Variants in SUSD5 observed in about 807,000 individuals in gnomAD.
The protein encoded by SUSD5 is sushi domain containing 5, also known as sushi domain-containing protein 5.
In SUSD5, 33 loss-of-function variants were observed where a neutral mutation model predicts 29.5. That is an observed-to-expected ratio of 1.12 (90% confidence interval 0.85 to 1.49). The LOEUF (loss-of-function observed/expected upper bound fraction) is 1.49. Among genes scored for constraint, SUSD5 ranks in the 40% most tolerant of loss-of-function variants. SUSD5 has a pLI of 0.00. For synonymous variants in SUSD5, 308 were observed against 325.3 expected (o/e 0.95, Z 0.57); for missense variants, 776 against 800.6 (o/e 0.97, Z 0.37).
intron 1 of SUSD5, among the ~76,000 whole-genome samples, chr3:33,215,766 G>A (rs899846503): frequency 5.9e-5 from 9 of 152,156 alleles, no homozygotes; most frequent in Non-Finnish European, 8.8e-5. Context: ...TAAATAAACT[G>A]TGTTCAAAGA....
At chr3:33,191,789 A>C (rs1418180372) in intron 3 of SUSD5, among the ~76,000 whole-genome samples, 1 of 152,086 alleles carries the variant, frequency 6.6e-6, no homozygotes, top group Non-Finnish European at 1.5e-5. Flanking sequence ...CAATTAAAAA[A>C]TAAGAAATAG....
At chr3:33,214,141 A>G in intron 1 of SUSD5, 36 bp from the exon 2 acceptor site, 1 of 1,550,236 alleles carries the variant, frequency 6.5e-7, no homozygotes, top group Non-Finnish European at 8.7e-7. Context: ...TGTGGATTTC[A>G]GGATCCATGG....
intron 4 of SUSD5, among the ~76,000 whole-genome samples, chr3:33,172,710 T>A (rs2031463104): frequency 6.6e-6 from 1 of 152,258 alleles, no homozygotes; most frequent in Admixed American, 6.5e-5. Context: ...TTATTAGGTA[T>A]GCAACAAGGC....
At chr3:33,194,678 G>A (rs1325249068) in intron 3 of SUSD5, among the ~76,000 whole-genome samples, 44 of 152,212 alleles carry the variant, frequency 2.9e-4, no homozygotes, top group Admixed American at 6.5e-5. Context: ...CCACTTAACT[G>A]ATAAGGCAGA....
At chr3:33,181,173 A>G (rs544017146) in intron 3 of SUSD5, among the ~76,000 whole-genome samples, 1 of 152,162 alleles carries the variant, frequency 6.6e-6, no homozygotes, top group South Asian at 2.1e-4. Context: ...CTGATGAAAA[A>G]ATATTTTCAT....
chr3:33,183,930 C>CTTTTTTTTTTTTTTTTTTTTTTTTTTTT lies in SUSD5; in HGVS notation c.410-8857_410-8856insAAAAAAAAAAAAAAAAAAAAAAAAAAAA, dbSNP rs68055129. Among the ~76,000 whole-genome samples the CTTTTTTTTTTTTTTTTTTTTTTTTTTTT allele has an allele frequency of 1.5e-3, 92 of 62,592 alleles. 5 individuals are homozygous for CTTTTTTTTTTTTTTTTTTTTTTTTTTTT. Among genetic ancestry groups the CTTTTTTTTTTTTTTTTTTTTTTTTTTTT allele is most frequent in the South Asian group, 2.5e-3 (3 of 1,182 alleles). 41.1% of individuals were successfully genotyped at this position (62,592 alleles called of 152,430 possible). ...AACACTTTAAATATTTTATTACCCT[C>CTTTTTTTTTTTTTTTTTTTTTTTTTTTT]TTTTTTTTTTTTTTTTTTTTTTTTT... is the stretch of plus-strand genomic sequence containing the variant. On this transcript the variant is annotated intron_variant, in intron 3 of 4. Transcript: ENST00000309558.
intron 3 of SUSD5, among the ~76,000 whole-genome samples, chr3:33,177,205 C>A (rs902220335): frequency 2.6e-5 from 4 of 152,178 alleles, no homozygotes; most frequent in Admixed American, 2.6e-4. Flanking sequence ...ATAACTCCCA[C>A]AAGCTTAGCA....
chr3:33,177,963 C>A (rs1050542315), intron 3 of SUSD5, among the ~76,000 whole-genome samples: 4 of 149,804 alleles, frequency 2.7e-5, no homozygotes, highest in African/African-American at 7.3e-5. Flanking sequence ...TCTATATTTT[C>A]TTTTCTTATT....
chr3:33,206,927 A>G (rs984600490), intron 3 of SUSD5, among the ~76,000 whole-genome samples: 2 of 151,818 alleles, frequency 1.3e-5, no homozygotes, highest in Non-Finnish European at 2.9e-5. Flanking sequence ...CCCCTCCCCA[A>G]TGAGTCCAGT....
At chr3:33,207,282 G>T (rs1357363668) in intron 3 of SUSD5, among the ~76,000 whole-genome samples, 1 of 152,204 alleles carries the variant, frequency 6.6e-6, no homozygotes, top group African/African-American at 2.4e-5. Context: ...TGTATCAGAT[G>T]CTGCCAGGGC....
intron 4 of SUSD5, among the ~76,000 whole-genome samples, chr3:33,165,675 G>T (rs2031288034): frequency 6.6e-6 from 1 of 152,142 alleles, no homozygotes; most frequent in Admixed American, 6.5e-5. Context: ...AATCAGGCTT[G>T]CCTAAAATTT....
intron 3 of SUSD5, among the ~76,000 whole-genome samples, chr3:33,177,725 A>G (rs2031581281): frequency 1.4e-5 from 2 of 147,630 alleles, no homozygotes; most frequent in Non-Finnish European, 2.9e-5. Flanking sequence ...GGTCCACAGG[A>G]AAGTGATTAA....
At chr3:33,212,940 T>C (rs1484557806) in intron 2 of SUSD5, among the ~76,000 whole-genome samples, 1 of 152,164 alleles carries the variant, frequency 6.6e-6, no homozygotes, top group African/African-American at 2.4e-5. Context: ...CACGTTCCTA[T>C]ACATATACAT....
intron 4 of SUSD5, among the ~76,000 whole-genome samples, chr3:33,170,208 C>G (rs928087348): frequency 6.6e-6 from 1 of 152,134 alleles, no homozygotes; most frequent in South Asian, 2.1e-4. Flanking sequence ...CATGAGCCAC[C>G]GCGCCCGGCC....
chr3:33,174,356 T>C (rs2031498831), intron 4 of SUSD5, among the ~76,000 whole-genome samples: 1 of 151,986 alleles, frequency 6.6e-6, no homozygotes, highest in Non-Finnish European at 1.5e-5. Context: ...GGAAGCCCCA[T>C]GCCCCATAAG....
intron 3 of SUSD5, among the ~76,000 whole-genome samples, chr3:33,186,113 C>G (rs867429507): frequency 6.6e-6 from 1 of 152,174 alleles, no homozygotes; most frequent in Non-Finnish European, 1.5e-5. Flanking sequence ...ACCATCCTGG[C>G]TAACACGGTG....
At chr3:33,175,698 T>A (rs1474625367) in intron 3 of SUSD5, among the ~76,000 whole-genome samples, 2 of 152,206 alleles carry the variant, frequency 1.3e-5, no homozygotes, top group Non-Finnish European at 2.9e-5. Context: ...ATTGATTATT[T>A]TTTAGGTTCA....
intron 3 of SUSD5, among the ~76,000 whole-genome samples, chr3:33,202,833 C>T (rs1256596515): frequency 6.6e-6 from 1 of 152,190 alleles, no homozygotes; most frequent in South Asian, 2.1e-4. Context: ...TCTACATTCA[C>T]GATGAACTTT....
At chr3:33,169,491 G>A (rs2031376043) in intron 4 of SUSD5, among the ~76,000 whole-genome samples, 1 of 152,164 alleles carries the variant, frequency 6.6e-6, no homozygotes, top group African/African-American at 2.4e-5. Context: ...AAAGTGCTGG[G>A]ATTACAGGCA....
Sources: allele counts gnomAD v4.1 joint callset (sites outside exome capture counted in the v4.1 genomes callset), GRCh38; gene constraint gnomAD v4.1.1; transcripts MANE v1.5; gene names NCBI Gene and HGNC (gene_info 2026-07-23, HGNC 2026-07-21).